The following PRKX variants were observed in gnomAD, a reference collection of about 807,000 sequenced individuals.
PRKX encodes protein kinase cAMP-dependent X-linked catalytic subunit.
Under a neutral mutation model 22.0 loss-of-function variants are expected in PRKX, and 12 were observed. The ratio of observed to expected loss-of-function variants is 0.54; its 90% CI spans 0.35 to 0.88. PRKX has a LOEUF of 0.88. PRKX is among the 40% of genes least tolerant of loss of function. PRKX has a pLI of 0.01. For missense variants in PRKX, 217 were observed against 308.0 expected (o/e 0.70, Z 2.21); for synonymous variants, 134 against 137.7 (o/e 0.97, Z 0.19).
At chrX:3,632,167 T>A (rs1198083395) in intron 4 of PRKX, among the ~76,000 whole-genome samples, 2 of 111,925 alleles carry the variant, frequency 1.8e-5, no homozygotes, top group Non-Finnish European at 3.8e-5. Context: ...TCTTCCTTCT[T>A]AAATAACATT....
At chrX:3,649,822 GAGGGAGGGAGGA>G (rs1468896951) in intron 3 of PRKX, among the ~76,000 whole-genome samples, 2 of 81,794 alleles carry the variant, frequency 2.4e-5, no homozygotes, top group Non-Finnish European at 4.8e-5. Context: ...GGGAGGGAGG[GAGGGAGGGAGGA>G]AGGAAGGAAG....
chrX:3,688,697 TAAA>T (rs762021655), intron 1 of PRKX, among the ~76,000 whole-genome samples: 1 of 101,146 alleles, frequency 9.9e-6, no homozygotes, highest in South Asian at 4.3e-4. Context: ...ACACCATCTA[TAAA>T]AAAAAAAAAT....
At chrX:3,659,002 A>C (rs1283016686) in intron 2 of PRKX, among the ~76,000 whole-genome samples, 3 of 111,630 alleles carry the variant, frequency 2.7e-5, no homozygotes, top group African/African-American at 9.8e-5. Flanking sequence ...CGGCGGCTCA[A>C]TGCCTGTCAT....
chrX:3,622,155 AAAAC>A (rs1926570133), intron 5 of PRKX, among the ~76,000 whole-genome samples: 1 of 109,672 alleles, frequency 9.1e-6, no homozygotes, highest in African/African-American at 3.3e-5. Flanking sequence ...AAAAAAAACA[AAAAC>A]AAACAACAAC....
intron 1 of PRKX, among the ~76,000 whole-genome samples, chrX:3,699,510 G>A (rs975336817): frequency 9.1e-6 from 1 of 109,448 alleles, no homozygotes; most frequent in Non-Finnish European, 1.9e-5. Context: ...CTGCCACCAC[G>A]CCCAGCTATT....
At chrX:3,671,139 A>G in intron 2 of PRKX, among the ~76,000 whole-genome samples, 1 of 111,733 alleles carries the variant, frequency 8.9e-6, no homozygotes, top group Non-Finnish European at 1.9e-5. Context: ...CAGGCTCAAG[A>G]GATTCTAGTG....
At chrX:3,697,038 A>C (rs1017383617) in intron 1 of PRKX, among the ~76,000 whole-genome samples, 1 of 79,455 alleles carries the variant, frequency 1.3e-5, no homozygotes, top group East Asian at 3.0e-4. Flanking sequence ...AAACAGAACA[A>C]ACAAACAGAC....
rs1889848863 is a variant in PRKX, at chrX:3,605,486, A to C, written c.*3483T>G. ...TACAGAGTGGAGCCTTGGGGTCTTT[A>C]ACAGTATTAAGCCATAGTTTCACAG... On this transcript the variant is annotated 3_prime_UTR_variant, in exon 9 of 9. Coordinates refer to ENST00000262848, the MANE Select transcript of PRKX (RefSeq NM_005044.5). 8.9e-6 allele frequency: 1 copy of C among 112,749 alleles called. No individual in the cohort carries two copies. The highest frequency in any genetic ancestry group is 3.2e-5 in the African/African-American group (1 of 30,934). 9.3% of individuals were successfully genotyped at this position (112,749 alleles called of 1,213,427 possible).
At chrX:3,639,479 A>T (rs865940090) in intron 4 of PRKX, among the ~76,000 whole-genome samples, 1 of 13,555 alleles carries the variant, frequency 7.4e-5, no homozygotes, top group Non-Finnish European at 1.3e-4. Context: ...ATGAAGGGGT[A>T]GGGGGTGGGG....
intron 4 of PRKX, among the ~76,000 whole-genome samples, chrX:3,631,214 T>C (rs1449243323): frequency 2.7e-5 from 3 of 112,076 alleles, no homozygotes; most frequent in Non-Finnish European, 5.6e-5. Flanking sequence ...CCCAAAAAGA[T>C]ACATCCATGA....
chrX:3,677,802 G>A (rs1262571840), intron 1 of PRKX, among the ~76,000 whole-genome samples: 1 of 111,358 alleles, frequency 9.0e-6, no homozygotes, highest in Non-Finnish European at 1.9e-5. Flanking sequence ...ATTTTATTAT[G>A]GCAGAAATAG....
rs948052838 is a variant in PRKX, at chrX:3,687,649, T to A, written c.167-12883A>T. On this transcript the variant is annotated intron_variant, in intron 1 of 8. Transcript: ENST00000262848. ...CTGCATTTCTTTCCTTAAACTGTGA[T>A]GCTTAAGGAATCTTGAACATGGGCA... Among the ~76,000 whole-genome samples the A allele has an allele frequency of 4.5e-5, 5 of 110,817 alleles. No individual in the cohort carries two copies. In the Admixed American group the frequency reaches 4.9e-4, roughly 11 times the overall value.
intron 4 of PRKX, among the ~76,000 whole-genome samples, chrX:3,629,688 TC>T (rs1926731058): frequency 1.1e-5 from 1 of 95,171 alleles, no homozygotes; most frequent in Admixed American, 1.1e-4. Context: ...AGGGTTTGAC[TC>T]TGTCACCCAG....
intron 8 of PRKX, among the ~76,000 whole-genome samples, 179 bp from the exon 9 acceptor site, chrX:3,609,124 A>C (rs936174272): frequency 3.6e-5 from 4 of 112,008 alleles, no homozygotes; most frequent in Admixed American, 9.5e-5. Flanking sequence ...AGAGGCCAAT[A>C]AAAAGGAAAT....
Position 3,608,184 on chromosome X carries a change from G to C in PRKX, c.*785C>G, listed in dbSNP as rs1374017483. ...GGAACAAGCCACTGCATCCAGCTCA[G>C]ATGAAATTTTTGAATGTGTCACAGA... On this transcript the variant is annotated 3_prime_UTR_variant, in exon 9 of 9. Transcript: ENST00000262848. The C allele has an allele frequency of 2.7e-5, 3 of 110,920 alleles. No individual in the cohort carries two copies. The highest frequency in any genetic ancestry group is 1.9e-4 in the Admixed American group (2 of 10,316). The allele number at this position is 110,920 out of a possible 1,213,427, so 9.1% of individuals were successfully genotyped here.
intron 4 of PRKX, among the ~76,000 whole-genome samples, chrX:3,637,346 C>G (rs1043923876): frequency 4.3e-4 from 48 of 111,477 alleles, no homozygotes; most frequent in African/African-American, 1.4e-3. Flanking sequence ...CGGGAAGCAA[C>G]AAGCGGGCTC....
intron 1 of PRKX, among the ~76,000 whole-genome samples, chrX:3,702,905 A>G (rs1412181713): frequency 9.1e-6 from 1 of 109,995 alleles, no homozygotes; most frequent in Non-Finnish European, 1.9e-5. Context: ...TATGTTGCCC[A>G]GGCTGGTCTC....
intron 7 of PRKX, among the ~76,000 whole-genome samples, chrX:3,613,854 CAAAAAAAAAAAAAAA>C (rs1205221732): frequency 2.5e-5 from 1 of 39,429 alleles, no homozygotes; most frequent in African/African-American, 8.6e-5. Context: ...GACTCCATCT[CAAAAAAAAAAAAAAA>C]AAAAAAAAAA....
At chrX:3,704,494 C>T (rs1928643451) in intron 1 of PRKX, among the ~76,000 whole-genome samples, 1 of 111,053 alleles carries the variant, frequency 9.0e-6, no homozygotes, top group Admixed American at 9.6e-5. Flanking sequence ...ACGAGACTAT[C>T]TCTACCAAAA....
Sources: gnomAD v4.1 joint callset for allele counts (sites outside exome capture counted in the v4.1 genomes callset) on GRCh38, gnomAD v4.1.1 for gene constraint, MANE v1.5 for transcripts, NCBI Gene and HGNC (gene_info 2026-07-23, HGNC 2026-07-21) for gene names.